The following TIPARP variants were observed in gnomAD, a reference collection of about 807,000 sequenced individuals.
The protein encoded by TIPARP is protein mono-ADP-ribosyltransferase TIPARP.
Under a neutral mutation model 56.5 loss-of-function variants are expected in TIPARP, and 12 were observed. That is an observed-to-expected ratio of 0.21 (90% CI 0.14 to 0.34). TIPARP has a LOEUF of 0.34. Ranked by LOEUF, TIPARP falls within the 10% of genes least tolerant of loss-of-function variation. The pLI is 1.00. For missense variants in TIPARP, 604 were observed against 781.6 expected (o/e 0.77, Z 2.71); for synonymous variants, 296 against 265.7 (o/e 1.11, Z -1.11).
At chr3:156,703,264 C>A (rs1453356792) in intron 4 of TIPARP, among the ~76,000 whole-genome samples, 160 bp from the exon 5 acceptor site, 1 of 152,000 alleles carries the variant, frequency 6.6e-6, no homozygotes, top group East Asian at 1.9e-4. Context: ...TTGCTCCAAG[C>A]CTTTTTTTTT....
chr3:156,680,571 A>G lies in TIPARP; in HGVS notation c.917+1957A>G, dbSNP rs185231704. ...CAGCATCTTGGTACATTAAGTTTCT[A>G]TCTGTTTGAATTGATCAGGAAGAAA... On this transcript the variant is annotated intron_variant, in intron 2 of 5. Transcript: ENST00000295924. Among the ~76,000 whole-genome samples the G allele has an allele frequency of 2.4e-3, 371 of 152,260 alleles. 2 individuals carry two copies. Among genetic ancestry groups the G allele is most frequent in the Non-Finnish European group, 3.9e-3 (263 of 68,010 alleles).
At chr3:156,684,865 A>G (rs1263727832) in intron 2 of TIPARP, among the ~76,000 whole-genome samples, 1 of 152,228 alleles carries the variant, frequency 6.6e-6, no homozygotes, top group Non-Finnish European at 1.5e-5. Flanking sequence ...TCTTCCTTCA[A>G]ACGTTAAACC....
intron 4 of TIPARP, among the ~76,000 whole-genome samples, chr3:156,698,671 G>T (rs1287332991): frequency 6.6e-6 from 1 of 152,164 alleles, no homozygotes; most frequent in East Asian, 1.9e-4. Flanking sequence ...AGCTCTAATG[G>T]AGATGTACAG....
intron 2 of TIPARP, among the ~76,000 whole-genome samples, chr3:156,679,433 G>A (rs1722235440): frequency 1.3e-5 from 2 of 152,148 alleles, no homozygotes; most frequent in South Asian, 4.1e-4. Context: ...AATGATAGTT[G>A]CCTCATGTAA....
intron 4 of TIPARP, among the ~76,000 whole-genome samples, chr3:156,702,064 TGGTGG>T (rs1722859959): frequency 7.7e-6 from 1 of 129,848 alleles, no homozygotes; most frequent in Non-Finnish European, 1.7e-5. Flanking sequence ...GTGGTGGTGG[TGGTGG>T]TGGTTGTGGT....
At chr3:156,696,293 G>A (rs2108495520) in intron 4 of TIPARP, among the ~76,000 whole-genome samples, 1 of 152,232 alleles carries the variant, frequency 6.6e-6, no homozygotes, top group South Asian at 2.1e-4. Flanking sequence ...TCTGGAATGA[G>A]TCACAGAACT....
At chr3:156,680,134 A>T (rs954206622) in intron 2 of TIPARP, among the ~76,000 whole-genome samples, 6 of 152,176 alleles carry the variant, frequency 3.9e-5, no homozygotes, top group African/African-American at 1.4e-4. Flanking sequence ...ATAAAGCCCA[A>T]ATTCAAAAGT....
Position 156,706,536 on chromosome 3 carries a change from GTT to G in TIPARP, c.*1407_*1408del, listed in dbSNP as rs1255400539. 4 of 152,686 alleles carry G rather than the reference GTT, an allele frequency of 2.6e-5. No homozygotes were observed. Among genetic ancestry groups the G allele is most frequent in the South Asian group, 2.1e-4 (1 of 4,826 alleles). The allele number at this position is 152,686 out of a possible 1,614,324, so 9.5% of individuals were successfully genotyped here. On this transcript the variant is annotated 3_prime_UTR_variant, in exon 6 of 6. Transcript: ENST00000295924. ...TTATTTTGCCCTAGTTAATCCTGTT[GTT>G]TGCTGCCATTGGCATGAAATGGCCA...
chr3:156,704,266 C>T (rs1004029250), intron 5 of TIPARP, among the ~76,000 whole-genome samples: 4 of 152,126 alleles, frequency 2.6e-5, no homozygotes, highest in African/African-American at 9.7e-5. Flanking sequence ...GGAATTTGAA[C>T]CCAGGCCGTC....
At chr3:156,689,278 C>G (rs1287846368) in intron 2 of TIPARP, among the ~76,000 whole-genome samples, 1 of 152,134 alleles carries the variant, frequency 6.6e-6, no homozygotes, top group African/African-American at 2.4e-5. Context: ...ATCCTAGACT[C>G]TTTTCACTCT....
intron 4 of TIPARP, among the ~76,000 whole-genome samples, chr3:156,699,338 A>C (rs1388064540): frequency 1.3e-5 from 2 of 152,198 alleles, no homozygotes; most frequent in East Asian, 3.8e-4. Context: ...GGGTCAATTA[A>C]TGTGGCAAAT....
chr3:156,690,970 A>G (rs1722559600), intron 2 of TIPARP, among the ~76,000 whole-genome samples: 1 of 152,092 alleles, frequency 6.6e-6, no homozygotes, highest in Admixed American at 6.5e-5. Flanking sequence ...CTAACCTTAT[A>G]TCTTAAGGCT....
At chr3:156,695,843 T>TG (rs397991458) in intron 3 of TIPARP, 22 bp from the exon 4 acceptor site, 1 of 1,410,078 alleles carries the variant, frequency 7.1e-7, no homozygotes, top group Admixed American at 2.8e-5. Context: ...TTTTTTTTTT[T>TG]GTTCTGTTTT....
At chr3:156,694,897 T>C (rs546706669) in intron 3 of TIPARP, among the ~76,000 whole-genome samples, 2 of 152,334 alleles carry the variant, frequency 1.3e-5, no homozygotes, top group South Asian at 2.1e-4. Flanking sequence ...GAACAACTTA[T>C]CTACCTTACT....
chr3:156,684,103 A>C (rs929392407), intron 2 of TIPARP, among the ~76,000 whole-genome samples: 6 of 152,240 alleles, frequency 3.9e-5, no homozygotes, highest in African/African-American at 1.4e-4. Context: ...ACATATTTCA[A>C]ATTGCAAGAT....
At position 156,678,028 on chromosome 3, in the gene TIPARP, A is replaced by C. The variant is rs1324727307; in HGVS notation, c.331A>C (p.Ile111Leu). The C allele has an allele frequency of 6.2e-7, 1 of 1,614,034 alleles. No individual in the cohort carries two copies. The highest frequency in any genetic ancestry group is 2.2e-5 in the East Asian group (1 of 44,898). The change falls in exon 2 of 6, where the codon ATT becomes CTT. Residue 111 changes from isoleucine (I) to leucine (L), a missense_variant. Ile to Leu is a conservative substitution (Grantham distance 5). Transcript: ENST00000295924. ...PPAENNMSVL[I>L]PDRTNVGDQI... Reference sequence around the variant, plus strand: ...AGCAGAAAATAATATGTCTGTTCTGATTCCTGATAGGACAAATGTTGGGGA... The same window carrying C: ...AGCAGAAAATAATATGTCTGTTCTGCTTCCTGATAGGACAAATGTTGGGGA...
intron 2 of TIPARP, among the ~76,000 whole-genome samples, chr3:156,689,547 T>TATA (rs1296275452): frequency 2.0e-5 from 3 of 152,252 alleles, no homozygotes; most frequent in Non-Finnish European, 4.4e-5. Flanking sequence ...GAGTGACCTT[T>TATA]ATAAAGGCAA....
rs1722178056 is a variant in TIPARP at position 156,677,703 on chromosome 3, A to G, written c.6A>G (p.Glu2=). 1 of 1,577,574 alleles carries G rather than the reference A, an allele frequency of 6.3e-7. No individual in the cohort carries two copies. Among genetic ancestry groups the G allele is most frequent in the Non-Finnish European group, 8.6e-7 (1 of 1,166,790 alleles). M[E]METTEPEPDC... ...AGTTGGAGCTAATCCACATTATGGA[A>G]ATGGAAACCACCGAACCTGAGCCAG... The change falls in exon 2 of 6, where the codon GAA becomes GAG. Residue 2 remains glutamate (E), a synonymous_variant. Transcript: ENST00000295924.
In TIPARP at chr3:156,695,826, C is replaced by CTTTTTTTTTTTTTTTTTTTTT. The variant is rs10631452; in HGVS notation, c.1087-22_1087-21insTTTTTTTTTTTTTTTTTTTTT. 1.5e-5 allele frequency: 15 copies of CTTTTTTTTTTTTTTTTTTTTT among 1,031,210 alleles called. 2 individuals carry two copies. The highest frequency in any genetic ancestry group is 8.1e-5 in the East Asian group (2 of 24,600). 63.9% of individuals were successfully genotyped at this position (1,031,210 alleles called of 1,614,324 possible). A position where few individuals can be genotyped will look rare whatever the true frequency, so the allele number is the denominator to read the frequency against. On this transcript the variant is annotated intron_variant, in intron 3 of 5. Transcript: ENST00000295924. ...TTTTTAACCATGATTATTAACTTTC[C>CTTTTTTTTTTTTTTTTTTTTT]TTTTTTTTTTTTTTTTTGTTCTGTT...
Sources: gnomAD v4.1 joint callset for allele counts (sites outside exome capture counted in the v4.1 genomes callset) on GRCh38, gnomAD v4.1.1 for gene constraint, MANE v1.5 for transcripts, NCBI Gene and HGNC (gene_info 2026-07-23, HGNC 2026-07-21) for gene names.